HMCN2: variants seen among roughly 807,000 people sequenced by gnomAD.
The protein encoded by HMCN2 is hemicentin-2.
HMCN2 carries 325 observed loss-of-function variants against 377.5 expected under a neutral mutation model. That is an observed-to-expected ratio of 0.86 (90% confidence interval 0.79 to 0.94). The LOEUF (loss-of-function observed/expected upper bound fraction) is 0.94, where lower values mean the gene tolerates loss of function less well. Ranked by LOEUF, HMCN2 falls within the 40% of genes least tolerant of loss-of-function variation. HMCN2 has a pLI of 0.00. For missense variants in HMCN2, 4,543 were observed against 4,725.3 expected (o/e 0.96, Z 1.13); for synonymous variants, 2,007 against 2,046.8 (o/e 0.98, Z 0.53).
rs368788718 is a variant in HMCN2 at position 130,382,171 on chromosome 9, C to G, written c.8432-13C>G. On this transcript the variant is annotated splice_polypyrimidine_tract_variant and intron_variant, in intron 54 of 97. Coordinates refer to ENST00000683500, the MANE Select transcript of HMCN2 (RefSeq NM_001291815.2). ...CGTGCCTGAGCCCAGGCCTCTGTCCCGTGTCCCTGCAGGAGGCCGGGTCCT... is the reference window on the plus strand; with the variant it reads ...CGTGCCTGAGCCCAGGCCTCTGTCCGGTGTCCCTGCAGGAGGCCGGGTCCT... 1.0e-6 allele frequency: 1 copy of G among 983,074 alleles called. No individual in the cohort carries two copies. 60.9% of individuals were successfully genotyped at this position (983,074 alleles called of 1,614,324 possible). A position where few individuals can be genotyped will look rare whatever the true frequency, so the allele number is the denominator to read the frequency against.
At chr9:130,343,778 C>T (rs1293475064) in intron 25 of HMCN2, among the ~76,000 whole-genome samples, 1 of 152,260 alleles carries the variant, frequency 6.6e-6, no homozygotes, top group Non-Finnish European at 1.5e-5. Context: ...TGGGCTGCCC[C>T]GGCCTCCTTC....
chr9:130,383,463 G>T (rs1360982832), intron 56 of HMCN2, 41 bp from the exon 57 acceptor site: 4 of 913,814 alleles, frequency 4.4e-6, no homozygotes, highest in Non-Finnish European at 5.2e-6. Context: ...GTGTCCAAGG[G>T]GTCTCAGGTA....
At chr9:130,269,891 A>C (rs1364240491) in intron 1 of HMCN2, among the ~76,000 whole-genome samples, 1 of 146,440 alleles carries the variant, frequency 6.8e-6, no homozygotes, top group Non-Finnish European at 1.5e-5. Context: ...GCTCACTGCA[A>C]CCTCCACCTC....
At chr9:130,294,425 C>T (rs561872676) in intron 4 of HMCN2, among the ~76,000 whole-genome samples, 7 of 152,332 alleles carry the variant, frequency 4.6e-5, no homozygotes, top group Admixed American at 2.0e-4. Context: ...GCTTAGGGAA[C>T]GTGGCGCCCT....
intron 22 of HMCN2, among the ~76,000 whole-genome samples, chr9:130,335,453 G>T (rs1280789268): frequency 6.6e-6 from 1 of 152,082 alleles, no homozygotes; most frequent in Non-Finnish European, 1.5e-5. Flanking sequence ...GTGTCTTCTC[G>T]CGTATTCCTT....
chr9:130,420,163 T>C (rs1022676693), intron 86 of HMCN2, among the ~76,000 whole-genome samples: 7 of 143,782 alleles, frequency 4.9e-5, no homozygotes, highest in Non-Finnish European at 9.0e-5. Flanking sequence ...CAAGCTCTGC[T>C]CCCCGGGTTC....
In HMCN2 at chr9:130,369,564, C is replaced by A; in HGVS notation, c.6788-6C>A. On this transcript the variant is annotated splice_polypyrimidine_tract_variant and splice_region_variant and intron_variant, in intron 44 of 97. Coordinates refer to ENST00000683500, the MANE Select transcript of HMCN2 (RefSeq NM_001291815.2). This position sits in a 1 kb window ranked among gnomAD's most constrained non-coding sequence, Gnocchi z 4.5. ...TCTCTGATGGGCTTTCTCCCCACCC[C>A]AACAGTTCCCCCTCAGATTGCCGGT... is the stretch of plus-strand genomic sequence containing the variant. 1.0e-6 allele frequency: 1 copy of A among 985,810 alleles called. No homozygotes were observed. Among genetic ancestry groups the A allele is most frequent in the Middle Eastern group, 5.2e-4 (1 of 1,916 alleles). The allele number at this position is 985,810 out of a possible 1,614,324, so 61.1% of individuals were successfully genotyped here. A position where few individuals can be genotyped will look rare whatever the true frequency, so the allele number is the denominator to read the frequency against.
intron 34 of HMCN2, among the ~76,000 whole-genome samples, chr9:130,357,425 G>A (rs967041204): frequency 6.6e-6 from 1 of 150,976 alleles, no homozygotes; most frequent in African/African-American, 2.4e-5. Flanking sequence ...TGGATGGAAG[G>A]GTGAGTGGAT....
In HMCN2 at chr9:130,354,906, A is replaced by AGCAACGG; in HGVS notation, c.5014_5015insGGCAACG (p.Glu1672GlyfsTer55). 7.7e-7 allele frequency: 1 copy of AGCAACGG among 1,304,210 alleles called. No individual in the cohort carries two copies. Among genetic ancestry groups the AGCAACGG allele is most frequent in the South Asian group, 1.2e-5 (1 of 81,024 alleles). The allele number at this position is 1,304,210 out of a possible 1,614,324, so 80.8% of individuals were successfully genotyped here. A position where few individuals can be genotyped will look rare whatever the true frequency, so the allele number is the denominator to read the frequency against. Reference sequence around the variant, plus strand: ...CCACGAGGGGCTGCCCGTGGCAGAGAGCAACGAGTCGCGGCTGGAGACAGA... The same window carrying AGCAACGG: ...CCACGAGGGGCTGCCCGTGGCAGAGAGCAACGGGCAACGAGTCGCGGCTGGAGACAGA... On this transcript the variant is annotated frameshift_variant, in exon 32 of 98. Coordinates refer to ENST00000683500, the MANE Select transcript of HMCN2 (RefSeq NM_001291815.2). LOFTEE classifies it high-confidence loss of function.
chr9:130,346,857 G>T (rs1298523379), intron 25 of HMCN2, among the ~76,000 whole-genome samples: 1 of 152,126 alleles, frequency 6.6e-6, no homozygotes, highest in Non-Finnish European at 1.5e-5. Flanking sequence ...GCCTGTTGGG[G>T]TGCAATTCTA....
At chr9:130,388,322 G>T in intron 61 of HMCN2, 87 bp from the exon 62 acceptor site, 1 of 908,714 alleles carries the variant, frequency 1.1e-6, no homozygotes, top group Non-Finnish European at 1.3e-6. Flanking sequence ...TACCAGGAAG[G>T]GCTTCTTAGG....
chr9:130,399,640 G>C lies in HMCN2; in HGVS notation c.11605+8G>C, dbSNP rs769318952. ...ACCAGGTGACCGTCCATGGTGAGTC[G>C]GGGCAGAGGTGGAGGGGGACACCTG... On this transcript the variant is annotated splice_region_variant and intron_variant, in intron 76 of 97. Coordinates refer to ENST00000683500, the MANE Select transcript of HMCN2 (RefSeq NM_001291815.2). 2 of 1,284,888 alleles carry C rather than the reference G, an allele frequency of 1.6e-6. No individual in the cohort carries two copies. The highest frequency in any genetic ancestry group is 2.0e-6 in the Non-Finnish European group (2 of 984,856). The allele number at this position is 1,284,888 out of a possible 1,614,324, so 79.6% of individuals were successfully genotyped here.
chr9:130,333,332 G>A (rs1838527336), intron 22 of HMCN2, among the ~76,000 whole-genome samples: 1 of 152,180 alleles, frequency 6.6e-6, no homozygotes, highest in South Asian at 2.1e-4. Context: ...GCAAAGGTGT[G>A]TGCCGGGGAT....
intron 15 of HMCN2, among the ~76,000 whole-genome samples, chr9:130,313,532 GC>G (rs1837377439): frequency 1.3e-5 from 2 of 152,100 alleles, no homozygotes; most frequent in African/African-American, 4.8e-5. Context: ...TGCTCATAGG[GC>G]CCTCGAGAGG....
chr9:130,328,660 G>A (rs1239756439), intron 22 of HMCN2, among the ~76,000 whole-genome samples: 4 of 152,108 alleles, frequency 2.6e-5, no homozygotes, highest in East Asian at 3.9e-4. Context: ...GGAGGCGGGG[G>A]TGGGGTTAAG....
rs1205266596 is a variant in HMCN2, at chr9:130,303,577, C to T, written c.1512C>T (p.Thr504=). ...GCACAGCCGTCAGCAGGGCTGGGAC[C>T]GGGCGAGCAAAGGCCCAGATTGTTG... ...YECTAVSRAG[T]GRAKAQIVVT... is the part of the protein sequence containing the mutation. The change falls in exon 10 of 98, where the codon ACC becomes ACT. Residue 504 remains threonine, a synonymous_variant. Coordinates refer to ENST00000683500, the MANE Select transcript of HMCN2 (RefSeq NM_001291815.2). The surrounding 1 kb of genome is among the most constrained non-coding windows in gnomAD (Gnocchi z 5.2). 2.5e-5 allele frequency: 9 copies of T among 363,786 alleles called. No homozygotes were observed. Among genetic ancestry groups the T allele is most frequent in the South Asian group, 1.0e-4 (5 of 49,690 alleles). The allele number at this position is 363,786 out of a possible 1,614,324, so 22.5% of individuals were successfully genotyped here.
chr9:130,424,166 TA>T (rs1317854449), intron 87 of HMCN2, among the ~76,000 whole-genome samples: 15,032 of 133,360 alleles, frequency 0.11, 1,211 homozygotes, highest in East Asian at 0.35. Flanking sequence ...TATATATATA[TA>T]TATTTTTTTT....
At position 130,394,219 on chromosome 9, in the gene HMCN2, G is replaced by A. The variant is rs1332511879; in HGVS notation, c.10502-166G>A. 6.6e-6 allele frequency among the ~76,000 whole-genome samples: 1 copy of A among 152,158 alleles called. No homozygotes were observed. The highest frequency in any genetic ancestry group is 1.5e-5 in the Non-Finnish European group (1 of 68,018). ...GGGTGGCCGGGCTTTGATTCTCCCA[G>A]GGCTGTGCTCCTGGTTTCTTTCCAC... On this transcript the variant is annotated intron_variant, in intron 68 of 97. Transcript: ENST00000683500. This position sits in a 1 kb window ranked among gnomAD's most constrained non-coding sequence, Gnocchi z 5.1.
At position 130,375,563 on chromosome 9, in the gene HMCN2, T is replaced by G; in HGVS notation, c.7631T>G (p.Leu2544Trp). ...CTGCCTCCCTGGCCCCCCATCACAG[T>G]GGCTCCCACCATCCTGGGAGGGGCC... ...KTKHFQLSVL[L>W]APTILGGAED... The change falls in exon 50 of 98, where the codon TTG becomes TGG. Residue 2544 changes from leucine to tryptophan, a missense_variant and splice_region_variant. By Grantham distance (61) the Leu-to-Trp change is moderately conservative (BLOSUM62 -2). Transcript: ENST00000683500. 3.0e-6 allele frequency: 3 copies of G among 985,756 alleles called. No individual in the cohort carries two copies. Among genetic ancestry groups the G allele is most frequent in the Non-Finnish European group, 3.6e-6 (3 of 829,904 alleles). 61.1% of individuals were successfully genotyped at this position (985,756 alleles called of 1,614,324 possible). A position where few individuals can be genotyped will look rare whatever the true frequency, so the allele number is the denominator to read the frequency against.
Sources: allele counts gnomAD v4.1 joint callset (sites outside exome capture counted in the v4.1 genomes callset), GRCh38; gene constraint gnomAD v4.1.1; non-coding constraint Gnocchi (gnomAD v3.1); transcripts MANE v1.5; gene names NCBI Gene and HGNC (gene_info 2026-07-23, HGNC 2026-07-21).